ZNF574: variants seen among roughly 807,000 people sequenced by gnomAD.
ZNF574 encodes the protein zinc finger protein 574.
In ZNF574, 25 loss-of-function variants were observed where a neutral mutation model predicts 56.6. That is an observed-to-expected ratio of 0.44 (90% CI 0.32 to 0.62). The LOEUF is 0.62. ZNF574 is among the 20% of genes least tolerant of loss of function. The pLI is 0.04. For synonymous variants in ZNF574, 543 were observed against 492.1 expected (o/e 1.10, Z -1.37); for missense variants, 1,065 against 1,218.9 (o/e 0.87, Z 1.88).
chr19:42,076,836 G>A (rs2076459651), intron 1 of ZNF574, among the ~76,000 whole-genome samples: 1 of 152,128 alleles, frequency 6.6e-6, no homozygotes, highest in Admixed American at 6.5e-5. Flanking sequence ...CTAAGGAGGG[G>A]TCCAGTTGTA....
chr19:42,081,213 G>C lies in ZNF574; in HGVS notation c.2607G>C (p.Glu869Asp). ...CTGCCGTTGGCCTGGCCGTCATGGA[G>C]ACTGCTGTGGAGGCGCTACCCCTGG... ...AEAAVGLAVM[E>D]TAVEALPLVE... Residue 869 changes from glutamate (E) to aspartate (D), a missense_variant, in exon 2 of 2, where the codon GAG becomes GAC. Transcript: ENST00000359044. 3 of 1,614,174 alleles carry C rather than the reference G, an allele frequency of 1.9e-6. No individual in the cohort carries two copies. The highest frequency in any genetic ancestry group is 1.7e-5 in the Admixed American group (1 of 60,038).
Position 42,079,225 on chromosome 19 carries a change from A to G in ZNF574, c.619A>G (p.Thr207Ala). The G allele has an allele frequency of 6.2e-7, 1 of 1,614,008 alleles. No homozygotes were observed. Among genetic ancestry groups the G allele is most frequent in the South Asian group, 1.1e-5 (1 of 91,088 alleles). The change falls in exon 2 of 2, where the codon ACT (threonine) becomes GCT (alanine). Residue 207 changes from threonine (T) to alanine (A), a missense_variant. Coordinates refer to ENST00000359044, the MANE Select transcript of ZNF574 (RefSeq NM_022752.6). The surrounding 1 kb of genome is among the most constrained non-coding windows in gnomAD (Gnocchi z 4.3). ...SAAATTTEVV[T>A]EVELLLYKCS... Reference sequence around the variant, plus strand: ...CGCTGCCACCACCACTGAGGTAGTGACTGAGGTGGAGCTGCTCCTCTACAA... The same window carrying G: ...CGCTGCCACCACCACTGAGGTAGTGGCTGAGGTGGAGCTGCTCCTCTACAA...
intron 1 of ZNF574, 86 bp from the exon 2 acceptor site, chr19:42,078,501 T>TCGGTGGTCGCCGGATC: frequency 8.6e-7 from 1 of 1,168,368 alleles, no homozygotes. Context: ...GGTGTAGATC[T>TCGGTGGTCGCCGGATC]AAGGTATTAG....
rs745305730 is a variant in ZNF574 at position 42,080,084 on chromosome 19, G to C, written c.1478G>C (p.Arg493Pro). ...CAACGTTTTGTGCATCGGCTGGAGC[G>C]GCGCCATAAATGCAGCATTTGTGGC... is the stretch of plus-strand genomic sequence containing the variant. ...RHQRFVHRLERRHKCSICGKM... is the reference protein window; with the variant it reads ...RHQRFVHRLEPRHKCSICGKM... Residue 493 changes from arginine to proline, a missense_variant, in exon 2 of 2, where the codon CGG becomes CCG. By Grantham distance (103) the Arg-to-Pro change is moderately radical (BLOSUM62 -2). Coordinates refer to ENST00000359044, the MANE Select transcript of ZNF574 (RefSeq NM_022752.6). The surrounding 1 kb of genome is among the most constrained non-coding windows in gnomAD (Gnocchi z 8.5). The C allele has an allele frequency of 1.2e-6, 2 of 1,614,096 alleles. No individual in the cohort carries two copies. The highest frequency in any genetic ancestry group is 1.7e-6 in the Non-Finnish European group (2 of 1,180,032).
Position 42,079,361 on chromosome 19 carries a change from A to C in ZNF574, c.755A>C (p.Glu252Ala). 1 of 1,613,478 alleles carries C rather than the reference A, an allele frequency of 6.2e-7. No individual in the cohort carries two copies. Among genetic ancestry groups the C allele is most frequent in the Non-Finnish European group, 8.5e-7 (1 of 1,179,796 alleles). ...TCTCAGGAGCCTGCCTTACAGCAGG[A>C]GGTGCAGGCCTCGTCACCTGCAGAG... The part of the protein sequence containing the change: ...PESQEPALQQ[E>A]VQASSPAEVP... The change falls in exon 2 of 2, where the codon GAG becomes GCG. Residue 252 changes from glutamate (E) to alanine (A), a missense_variant. Coordinates refer to ENST00000359044, the MANE Select transcript of ZNF574 (RefSeq NM_022752.6). This position sits in a 1 kb window ranked among gnomAD's most constrained non-coding sequence, Gnocchi z 4.3.
chr19:42,068,740 A>G (rs2076377761), exon 1 of ZNF574: 2 of 506,100 alleles, frequency 4.0e-6, no homozygotes, highest in Admixed American at 7.2e-5. Flanking sequence ...GCTAACAGCA[A>G]AGAGAGAAGT....
At position 42,079,131 on chromosome 19, in the gene ZNF574, C is replaced by G; in HGVS notation, c.525C>G (p.Ala175=). 3 of 1,614,036 alleles carry G rather than the reference C, an allele frequency of 1.9e-6. No individual in the cohort carries two copies. Among genetic ancestry groups the G allele is most frequent in the Non-Finnish European group, 2.5e-6 (3 of 1,179,942 alleles). ...PVVLGPPVGQ[A]RVAVEHSYRK... The stretch of plus-strand genomic sequence containing the variant: ...TTCTAGGGCCTCCTGTGGGCCAGGC[C>G]CGAGTGGCTGTGGAGCACTCATACC... Residue 175 remains alanine (A), a synonymous_variant, in exon 2 of 2, where the codon GCC becomes GCG. Coordinates refer to ENST00000359044, the MANE Select transcript of ZNF574 (RefSeq NM_022752.6). This position sits in a 1 kb window ranked among gnomAD's most constrained non-coding sequence, Gnocchi z 4.3.
At chr19:42,072,166 A>C (rs1221278171), upstream of ZNF574, among the ~76,000 whole-genome samples, 1 of 151,890 alleles carries the variant, frequency 6.6e-6, no homozygotes, top group Non-Finnish European at 1.5e-5. Flanking sequence ...CACCCAAATC[A>C]AGTTGAGAAG....
Position 42,079,818 on chromosome 19 carries a change from C to T in ZNF574, c.1212C>T (p.Thr404=). ...GTGGGAAGACCTTTGTCAACCTTAC[C>T]AAGTTCCTTTATCACCGGCGTACTC... The part of the protein sequence containing the change: ...CPCGKTFVNL[T]KFLYHRRTHG... Residue 404 remains threonine, a synonymous_variant, in exon 2 of 2, where the codon ACC becomes ACT. Coordinates refer to ENST00000359044, the MANE Select transcript of ZNF574 (RefSeq NM_022752.6). The surrounding 1 kb of genome is among the most constrained non-coding windows in gnomAD (Gnocchi z 4.3). The T allele has an allele frequency of 1.2e-6, 2 of 1,614,200 alleles. No individual in the cohort carries two copies. The highest frequency in any genetic ancestry group is 1.7e-6 in the Non-Finnish European group (2 of 1,180,032).
Position 42,079,759 on chromosome 19 carries a change from G to A in ZNF574, c.1153G>A (p.Ala385Thr). The A allele has an allele frequency of 1.9e-6, 3 of 1,613,950 alleles. No homozygotes were observed. The highest frequency in any genetic ancestry group is 1.7e-6 in the Non-Finnish European group (2 of 1,179,970). The change falls in exon 2 of 2, where the codon GCC (alanine) becomes ACC (threonine). Residue 385 changes from alanine to threonine, a missense_variant. Coordinates refer to ENST00000359044, the MANE Select transcript of ZNF574 (RefSeq NM_022752.6). This position sits in a 1 kb window ranked among gnomAD's most constrained non-coding sequence, Gnocchi z 4.3. ...TEALLLAHRR[A>T]HTPNPLHSCP... is the part of the protein sequence containing the mutation. ...GGCCCTCCTCCTGGCCCACCGGCGAGCCCACACCCCGAATCCTCTGCATTC... is the reference window on the plus strand; with the variant it reads ...GGCCCTCCTCCTGGCCCACCGGCGAACCCACACCCCGAATCCTCTGCATTC...
Position 42,079,180 on chromosome 19 carries a change from G to C in ZNF574, c.574G>C (p.Gly192Arg). 1 of 1,613,906 alleles carries C rather than the reference G, an allele frequency of 6.2e-7. No homozygotes were observed. The highest frequency in any genetic ancestry group is 8.5e-7 in the Non-Finnish European group (1 of 1,180,030). ...CCGAAAGGCAGAAGAGGGTGGGGAA[G>C]GGGCGACTGTCCCATCTGCCGCTGC... ...SYRKAEEGGEGATVPSAAATT... is the reference protein window; with the variant it reads ...SYRKAEEGGERATVPSAAATT... The change falls in exon 2 of 2, where the codon GGG (glycine) becomes CGG (arginine). Residue 192 changes from glycine (G) to arginine (R), a missense_variant. Physicochemically the swap from Gly to Arg is moderately radical, Grantham distance 125 (BLOSUM62 -2). Transcript: ENST00000359044. This position sits in a 1 kb window ranked among gnomAD's most constrained non-coding sequence, Gnocchi z 4.3.
At chr19:42,074,780 A>T (rs988913921), upstream of ZNF574, 3 of 152,244 alleles carry the variant, frequency 2.0e-5, no homozygotes, top group Admixed American at 2.0e-4. Flanking sequence ...CGCATCCCAT[A>T]GTGGCTTCAG....
rs1322564684 is a variant in ZNF574 at position 42,080,375 on chromosome 19, G to A, written c.1769G>A (p.Arg590His). The part of the protein sequence containing the change: ...RCQECGVRFH[R>H]PYRLLMHRYH... ...CAGGAATGTGGGGTGCGTTTTCACCGTCCTTACCGCCTGCTCATGCACCGC... is the reference window on the plus strand; with the variant it reads ...CAGGAATGTGGGGTGCGTTTTCACCATCCTTACCGCCTGCTCATGCACCGC... The change falls in exon 2 of 2, where the codon CGT becomes CAT. Residue 590 changes from arginine to histidine, a missense_variant. Arg to His is a conservative substitution (Grantham distance 29). Coordinates refer to ENST00000359044, the MANE Select transcript of ZNF574 (RefSeq NM_022752.6). This position sits in a 1 kb window ranked among gnomAD's most constrained non-coding sequence, Gnocchi z 8.5. The A allele has an allele frequency of 4.3e-6, 7 of 1,614,072 alleles. No homozygotes were observed. Among genetic ancestry groups the A allele is most frequent in the Middle Eastern group, 1.6e-4 (1 of 6,084 alleles).
chr19:42,071,567 C>T (rs1448957978), upstream of ZNF574, among the ~76,000 whole-genome samples: 1 of 152,120 alleles, frequency 6.6e-6, no homozygotes, highest in Non-Finnish European at 1.5e-5. Flanking sequence ...TGAAGGACCA[C>T]CAACTTTGCA....
At position 42,080,932 on chromosome 19, in the gene ZNF574, C is replaced by T. The variant is rs780438040; in HGVS notation, c.2326C>T (p.Arg776Cys). 3 of 1,613,882 alleles carry T rather than the reference C, an allele frequency of 1.9e-6. No homozygotes were observed. Among genetic ancestry groups the T allele is most frequent in the Non-Finnish European group, 1.7e-6 (2 of 1,179,982 alleles). ...YPCPDCGKAF[R>C]QSTHLKDHRR... is the part of the protein sequence containing the mutation. Reference sequence around the variant, plus strand: ...ATGTCCAGACTGTGGCAAAGCGTTCCGTCAGAGTACCCACCTGAAAGACCA... The same window carrying T: ...ATGTCCAGACTGTGGCAAAGCGTTCTGTCAGAGTACCCACCTGAAAGACCA... Residue 776 changes from arginine (R) to cysteine (C), a missense_variant, in exon 2 of 2, where the codon CGT (arginine) becomes TGT (cysteine). Coordinates refer to ENST00000359044, the MANE Select transcript of ZNF574 (RefSeq NM_022752.6). This position sits in a 1 kb window ranked among gnomAD's most constrained non-coding sequence, Gnocchi z 8.5.
Position 42,080,412 on chromosome 19 carries a change from A to G in ZNF574, c.1806A>G (p.Thr602=), listed in dbSNP as rs2076490050. 9 of 1,614,204 alleles carry G rather than the reference A, an allele frequency of 5.6e-6. No homozygotes were observed. Among genetic ancestry groups the G allele is most frequent in the Middle Eastern group, 1.6e-4 (1 of 6,062 alleles). Residue 602 remains threonine (T), a synonymous_variant, in exon 2 of 2, where the codon ACA becomes ACG. Transcript: ENST00000359044. The surrounding 1 kb of genome is among the most constrained non-coding windows in gnomAD (Gnocchi z 8.5). The part of the protein sequence containing the change: ...YRLLMHRYHH[T]GEYPYKCREC... ...TGCTCATGCACCGCTACCATCACAC[A>G]GGTGAATACCCCTACAAGTGTCGCG... is the stretch of plus-strand genomic sequence containing the variant.
chr19:42,080,427 C>T lies in ZNF574; in HGVS notation c.1821C>T (p.Tyr607=). 1.2e-6 allele frequency: 2 copies of T among 1,614,242 alleles called. No homozygotes were observed. Among genetic ancestry groups the T allele is most frequent in the Non-Finnish European group, 1.7e-6 (2 of 1,180,048 alleles). The change falls in exon 2 of 2, where the codon TAC becomes TAT. Residue 607 remains tyrosine (Y), a synonymous_variant. Transcript: ENST00000359044. The surrounding 1 kb of genome is among the most constrained non-coding windows in gnomAD (Gnocchi z 8.5). ...ACCATCACACAGGTGAATACCCCTA[C>T]AAGTGTCGCGAGTGCCCCCGCTCCT... ...HRYHHTGEYP[Y]KCRECPRSFL... is the part of the protein sequence containing the mutation.
chr19:42,078,603 C>T lies in ZNF574; in HGVS notation c.-4C>T, dbSNP rs200495104. On this transcript the variant is annotated 5_prime_UTR_variant, in exon 2 of 2. Coordinates refer to ENST00000359044, the MANE Select transcript of ZNF574 (RefSeq NM_022752.6). ...CTCTTCCAGCCCAGGGCCTTGCTGCCGCCATGACTGAGGAATCAGAGGAGA... is the reference window on the plus strand; with the variant it reads ...CTCTTCCAGCCCAGGGCCTTGCTGCTGCCATGACTGAGGAATCAGAGGAGA... The T allele has an allele frequency of 1.2e-3, 1,956 of 1,606,162 alleles. 7 individuals are homozygous for T. Among genetic ancestry groups the T allele is most frequent in the Non-Finnish European group, 1.5e-3 (1,779 of 1,174,270 alleles).
Position 42,080,961 on chromosome 19 carries a change from G to A in ZNF574, c.2355G>A (p.Arg785=). 1 of 1,614,154 alleles carries A rather than the reference G, an allele frequency of 6.2e-7. No individual in the cohort carries two copies. Among genetic ancestry groups the A allele is most frequent in the Non-Finnish European group, 8.5e-7 (1 of 1,180,024 alleles). Residue 785 remains arginine (R), a synonymous_variant, in exon 2 of 2, where the codon CGG becomes CGA. Coordinates refer to ENST00000359044, the MANE Select transcript of ZNF574 (RefSeq NM_022752.6). This position sits in a 1 kb window ranked among gnomAD's most constrained non-coding sequence, Gnocchi z 8.5. ...AGAGTACCCACCTGAAAGACCACCG[G>A]CGCCTGCACACAGGTGAGCGGCCCT... The part of the protein sequence containing the change: ...FRQSTHLKDH[R]RLHTGERPFA...
Sources: allele counts gnomAD v4.1 joint callset (sites outside exome capture counted in the v4.1 genomes callset), GRCh38; gene constraint gnomAD v4.1.1; non-coding constraint Gnocchi (gnomAD v3.1); transcripts MANE v1.5; gene names NCBI Gene and HGNC (gene_info 2026-07-23, HGNC 2026-07-21).